Variants in SORD observed in about 807,000 individuals in gnomAD.
SORD encodes the protein (R,R)-butanediol dehydrogenase.
A neutral mutation model predicts 35.6 loss-of-function variants in SORD; 18 were observed. The ratio of observed to expected loss-of-function variants is 0.51; its 90% CI spans 0.35 to 0.75. The LOEUF (loss-of-function observed/expected upper bound fraction) is 0.75, where lower values mean the gene tolerates loss of function less well. SORD is among the 30% of genes least tolerant of loss of function. SORD has a pLI of 0.01. For synonymous variants in SORD, 106 were observed against 152.9 expected, an observed-to-expected ratio of 0.69 and a Z score of 2.26; for missense variants, 250 against 390.2, an observed-to-expected ratio of 0.64 and a Z score of 3.03.
intron 1 of SORD, among the ~76,000 whole-genome samples, chr15:45,034,842 G>A (rs1413951680): frequency 6.6e-6 from 1 of 152,250 alleles, no homozygotes; most frequent in Non-Finnish European, 1.5e-5. Flanking sequence ...AGAGAGAGGC[G>A]CGAGCGGAAA....
chr15:45,061,405 C>T (rs1410869487), intron 4 of SORD, among the ~76,000 whole-genome samples, 179 bp downstream of exon 4: 2 of 152,226 alleles, frequency 1.3e-5, no homozygotes, highest in Non-Finnish European at 2.9e-5. Context: ...AGGAATAAGA[C>T]TGACTCACAG....
intron 1 of SORD, among the ~76,000 whole-genome samples, chr15:45,035,575 G>A (rs1385383574): frequency 6.6e-6 from 1 of 152,140 alleles, no homozygotes; most frequent in East Asian, 1.9e-4. Context: ...TGTGAGTGGG[G>A]CCAGATAAGA....
chr15:45,073,562 C>G lies in SORD; in HGVS notation c.*32C>G, dbSNP rs778211898. The G allele has an allele frequency of 1.3e-6, 2 of 1,594,972 alleles. No individual in the cohort carries two copies. The highest frequency in any genetic ancestry group is 1.1e-5 in the South Asian group (1 of 89,386). On this transcript the variant is annotated 3_prime_UTR_variant, in exon 9 of 9. Coordinates refer to ENST00000267814, the MANE Select transcript of SORD (RefSeq NM_003104.6). The stretch of plus-strand genomic sequence containing the variant: ...TGGGCTCTGCCCTCATCCCCACAGT[C>G]TTGGGATCTCAGGGCACAATGGCTG...
chr15:45,027,544 A>C (rs1031301421), intron 1 of SORD, among the ~76,000 whole-genome samples: 1 of 152,378 alleles, frequency 6.6e-6, no homozygotes, highest in Non-Finnish European at 1.5e-5. Context: ...GAGGACGGAC[A>C]CTTAAACCAT....
chr15:45,065,773 T>C (rs1893395413), intron 5 of SORD, among the ~76,000 whole-genome samples: 1 of 151,772 alleles, frequency 6.6e-6, no homozygotes, highest in South Asian at 2.1e-4. Context: ...ATACAAAAAT[T>C]AGCAGGTGTG....
At chr15:45,055,937 C>A (rs1404710528) in intron 3 of SORD, among the ~76,000 whole-genome samples, 1 of 152,050 alleles carries the variant, frequency 6.6e-6, no homozygotes, top group South Asian at 2.1e-4. Context: ...CAAAATTCAA[C>A]AACTCTTCAT....
intron 1 of SORD, among the ~76,000 whole-genome samples, chr15:45,031,148 T>C (rs1172941895): frequency 3.0e-3 from 453 of 152,102 alleles, no homozygotes; most frequent in African/African-American, 0.011. Flanking sequence ...AAAGACCTTG[T>C]CTCTACAAAA....
chr15:45,032,222 C>T (rs1226654299), intron 1 of SORD, among the ~76,000 whole-genome samples: 3 of 149,166 alleles, frequency 2.0e-5, no homozygotes, highest in Non-Finnish European at 4.4e-5. Context: ...TTCTAGAGAT[C>T]TGTTGTATAA....
chr15:45,058,429 AACC>A (rs1893250844), intron 3 of SORD: 2 of 152,172 alleles, frequency 1.3e-5, no homozygotes, highest in Admixed American at 1.3e-4. Flanking sequence ...TGGCTGCACT[AACC>A]ACTCTTAACT....
chr15:45,039,675 C>T (rs1429027836), intron 1 of SORD, among the ~76,000 whole-genome samples: 2 of 152,168 alleles, frequency 1.3e-5, no homozygotes, highest in Non-Finnish European at 2.9e-5. Context: ...CCCAAGGGGC[C>T]CCTCAAATGC....
At chr15:45,048,564 C>A (rs1893080871) in intron 3 of SORD, among the ~76,000 whole-genome samples, 1 of 152,082 alleles carries the variant, frequency 6.6e-6, no homozygotes, top group Admixed American at 6.6e-5. Flanking sequence ...CCTGTCTCTG[C>A]AAAAACAAAA....
chr15:45,030,457 G>A (rs2412953), intron 1 of SORD, among the ~76,000 whole-genome samples: 30,836 of 150,050 alleles, frequency 0.21, no homozygotes, highest in African/African-American at 0.44. Flanking sequence ...AATCAGGTTT[G>A]CACTAAGAAC....
chr15:45,028,545 T>C (rs1489210025), intron 1 of SORD, among the ~76,000 whole-genome samples: 2 of 152,172 alleles, frequency 1.3e-5, no homozygotes, highest in South Asian at 2.1e-4. Flanking sequence ...ATGGAGGGGA[T>C]GTAGTCAGAT....
chr15:45,064,686 A>G (rs1893376750), intron 4 of SORD, among the ~76,000 whole-genome samples: 1 of 152,236 alleles, frequency 6.6e-6, no homozygotes. Flanking sequence ...GCCCATTGCT[A>G]AATCACTGTT....
At chr15:45,056,735 T>C (rs1179554002) in intron 3 of SORD, among the ~76,000 whole-genome samples, 1 of 152,264 alleles carries the variant, frequency 6.6e-6, no homozygotes, top group Non-Finnish European at 1.5e-5. Context: ...CATAGTACTT[T>C]TGGTACATTG....
intron 2 of SORD, chr15:45,042,498 A>G (rs1276915674): frequency 6.6e-6 from 1 of 151,458 alleles, no homozygotes; most frequent in African/African-American, 2.4e-5. Flanking sequence ...TCTAAAAATA[A>G]AAAATAAATA....
At chr15:45,062,519 G>A (rs1435001358) in intron 4 of SORD, among the ~76,000 whole-genome samples, 3 of 151,890 alleles carry the variant, frequency 2.0e-5, no homozygotes, top group Non-Finnish European at 4.4e-5. Flanking sequence ...GAGGCCAGGT[G>A]CCAGTCACAG....
chr15:45,034,544 A>C (rs1402910035), intron 1 of SORD, among the ~76,000 whole-genome samples: 1 of 152,268 alleles, frequency 6.6e-6, no homozygotes, highest in Non-Finnish European at 1.5e-5. Context: ...TGTGAGAGGT[A>C]CCTGAGATGA....
At chr15:45,056,324 CA>C (rs1450814824) in intron 3 of SORD, among the ~76,000 whole-genome samples, 1 of 152,072 alleles carries the variant, frequency 6.6e-6, no homozygotes, top group African/African-American at 2.4e-5. Context: ...ACAAAAATCA[CA>C]AGCATTCTTA....
Sources: allele counts gnomAD v4.1 joint callset (sites outside exome capture counted in the v4.1 genomes callset), GRCh38; gene constraint gnomAD v4.1.1; transcripts MANE v1.5; gene names NCBI Gene and HGNC (gene_info 2026-07-23, HGNC 2026-07-21).